Variants in RNF166 observed in about 807,000 individuals in gnomAD.
RNF166 encodes the protein E3 ubiquitin-protein ligase RNF166.
Under a neutral mutation model 29.4 loss-of-function variants are expected in RNF166, and 19 were observed. The ratio of observed to expected loss-of-function variants is 0.65; its 90% CI spans 0.45 to 0.95. The LOEUF (loss-of-function observed/expected upper bound fraction) is 0.95. Among genes scored for constraint, RNF166 ranks in the 40% least tolerant of loss-of-function variants. RNF166 has a pLI of 0.00. For synonymous variants in RNF166, 171 were observed against 134.5 expected (o/e 1.27, Z -1.88); for missense variants, 347 against 322.1 (o/e 1.08, Z -0.59).
In RNF166 at chr16:88,699,951, C is replaced by T. The variant is rs11648894; in HGVS notation, c.313-219G>A. ...GCAAGTCACTGCAGGACAATCTGGC[C>T]GAGGGCAGAAACCTGGCTGGAGAAG... On this transcript the variant is annotated intron_variant, in intron 2 of 5. Coordinates refer to ENST00000312838, the MANE Select transcript of RNF166 (RefSeq NM_178841.4). 0.27 allele frequency: 113,771 copies of T among 419,568 alleles called. 16,800 individuals are homozygous for T. Among genetic ancestry groups the T allele is most frequent in the Non-Finnish European group, 0.32 (74,682 of 232,544 alleles). 26.0% of individuals were successfully genotyped at this position (419,568 alleles called of 1,614,324 possible). A position where few individuals can be genotyped will look rare whatever the true frequency, so the allele number is the denominator to read the frequency against.
rs1027806985 is a variant in RNF166, at chr16:88,699,903, C to G, written c.313-171G>C. 3 of 538,888 alleles carry G rather than the reference C, an allele frequency of 5.6e-6. No homozygotes were observed. The African/African-American group carries it at 5.8e-5, about 10-fold the overall frequency. 33.4% of individuals were successfully genotyped at this position (538,888 alleles called of 1,614,324 possible). ...TGCTAAAACAATCTCAGGCACTGAG[C>G]AGCCACTACTCCATGGCCAAAAGCA... On this transcript the variant is annotated intron_variant, in intron 2 of 5. Coordinates refer to ENST00000312838, the MANE Select transcript of RNF166 (RefSeq NM_178841.4).
At chr16:88,700,565 G>C (rs2340970) in intron 2 of RNF166, 218,345 of 980,958 alleles carry the variant, frequency 0.22, 24,658 homozygotes, top group Middle Eastern at 0.29. Flanking sequence ...GCGCTTCATA[G>C]AACTTATTCA....
intron 2 of RNF166, chr16:88,700,669 G>A (rs914406729): frequency 1.0e-6 from 1 of 986,976 alleles, no homozygotes; most frequent in Non-Finnish European, 1.2e-6. Flanking sequence ...GCGCTGGCTG[G>A]GGCCTCTCCA....
chr16:88,701,055 C>A (rs1189208958), intron 2 of RNF166: 5 of 1,345,694 alleles, frequency 3.7e-6, no homozygotes, highest in East Asian at 5.2e-5. Flanking sequence ...CCGGGCTGGC[C>A]CCCCCGTCAG....
In RNF166 at chr16:88,699,688, C is replaced by T. The variant is rs1352181903; in HGVS notation, c.357G>A (p.Lys119=). ...GGCAGTTGGCCATCTGCTCCTGGAC[C>T]TTCAGGCAGGACGAAATGTGCACTC... is the stretch of plus-strand genomic sequence containing the variant. ...KMRVHISSCL[K]VQEQMANCPK... is the part of the protein sequence containing the mutation. The change falls in exon 3 of 6, where the codon AAG becomes AAA. Residue 119 remains lysine (K), a synonymous_variant. Transcript: ENST00000312838. The T allele has an allele frequency of 6.2e-7, 1 of 1,613,352 alleles. No individual in the cohort carries two copies. The highest frequency in any genetic ancestry group is 1.3e-5 in the African/African-American group (1 of 74,944).
chr16:88,699,633 G>C lies in RNF166; in HGVS notation c.412C>G (p.Gln138Glu), dbSNP rs1411341910. ...PKFVPVVPTSQPIPSNIPNRS... is the reference protein window; with the variant it reads ...PKFVPVVPTSEPIPSNIPNRS... ...CAGCGTGCCTACCTGGGGATAGGCT[G>C]TGATGTGGGCACCACGGGGACGAAC... The change falls in exon 3 of 6, where the codon CAG becomes GAG. Residue 138 changes from glutamine (Q) to glutamate (E), a missense_variant. By Grantham distance (29) the Gln-to-Glu change is conservative. Transcript: ENST00000312838. The C allele has an allele frequency of 1.2e-6, 2 of 1,612,828 alleles. No homozygotes were observed.
In RNF166 at chr16:88,701,310, C is replaced by G; in HGVS notation, c.264G>C (p.Glu88Asp). Residue 88 changes from glutamate to aspartate, a missense_variant, in exon 2 of 6, where the codon GAG (glutamate) becomes GAC (aspartate). Physicochemically the swap from Glu to Asp is conservative, Grantham distance 45. Transcript: ENST00000312838. The part of the protein sequence containing the change: ...PKKVDKATHV[E>D]KQLSSYKAPC... ...GCGCTTTGTAGGATGAGAGCTGCTT[C>G]TCCACGTGGGTGGCCTTGTCCACCT... is the stretch of plus-strand genomic sequence containing the variant. 1.2e-6 allele frequency: 2 copies of G among 1,613,782 alleles called. No individual in the cohort carries two copies. The highest frequency in any genetic ancestry group is 1.7e-6 in the Non-Finnish European group (2 of 1,179,958).
Position 88,701,361 on chromosome 16 carries a change from G to C in RNF166, c.213C>G (p.Leu71=), listed in dbSNP as rs2306049. 0.54 allele frequency: 865,684 copies of C among 1,612,408 alleles called. 237,824 individuals carry two copies. The highest frequency in any genetic ancestry group is 0.58 in the Non-Finnish European group (679,985 of 1,179,524). Residue 71 remains leucine (L), a synonymous_variant, in exon 2 of 6, where the codon CTC becomes CTG. Transcript: ENST00000312838. ...TCTTGGGGTCGAAGGGCAGGCGGCA[G>C]AGTGGGCACAGCGGGGATGGCACCT... ...CLQVPSPLCP[L]CRLPFDPKKV...
chr16:88,699,186 T>C (rs1210889759), intron 3 of RNF166, 101 bp from the exon 4 acceptor site: 3 of 870,364 alleles, frequency 3.4e-6, no homozygotes, highest in Non-Finnish European at 5.6e-6. Flanking sequence ...CTGCCCTCTG[T>C]AGGCTGCAAG....
At chr16:88,698,083 GAGGGTCTGC>G in intron 5 of RNF166, 1 of 571,602 alleles carries the variant, frequency 1.7e-6, no homozygotes, top group South Asian at 2.1e-5. Context: ...GAGTTTGTGC[GAGGGTCTGC>G]AGGCCCGGGG....
intron 5 of RNF166, chr16:88,698,235 G>C (rs1705649738): frequency 1.5e-6 from 1 of 651,400 alleles, no homozygotes; most frequent in African/African-American, 1.8e-5. Flanking sequence ...GAGGGGTTCT[G>C]TGGGGTGGGC....
intron 1 of RNF166, chr16:88,703,438 G>A (rs763896840): frequency 2.0e-6 from 2 of 985,496 alleles, no homozygotes; most frequent in South Asian, 4.7e-5. Context: ...CTGGGAGGAA[G>A]ACAGCCTCGT....
In RNF166 at chr16:88,703,585, A is replaced by G. The variant is rs541537190; in HGVS notation, c.156-2167T>C. 12 of 985,460 alleles carry G rather than the reference A, an allele frequency of 1.2e-5. No individual in the cohort carries two copies. The African/African-American group carries it at 2.1e-4, about 17-fold the overall frequency. The allele number at this position is 985,460 out of a possible 1,614,324, so 61.0% of individuals were successfully genotyped here. A position where few individuals can be genotyped will look rare whatever the true frequency, so the allele number is the denominator to read the frequency against. ...ATCGGCCTAGTTTCCAGTGACTGCC[A>G]GCCTGGTGTTCAGAGAGCCAGCAGC... On this transcript the variant is annotated intron_variant, in intron 1 of 5. Transcript: ENST00000312838.
At position 88,706,243 on chromosome 16, in the gene RNF166, TCCAGGCCGCTGTCGCCGCCCGCCGG is replaced by T; in HGVS notation, c.58_82del (p.Pro20ArgfsTer78). On this transcript the variant is annotated frameshift_variant, in exon 1 of 6. Coordinates refer to ENST00000312838, the MANE Select transcript of RNF166 (RefSeq NM_178841.4). LOFTEE classifies it high-confidence loss of function. ...GCAGATGGGGCAGGTGTACTGCGCC[TCCAGGCCGCTGTCGCCGCCCGCCGG>T]CCCGGCCGGCGGCTGCCGCTGCTGA... The T allele has an allele frequency of 1.5e-6, 2 of 1,310,126 alleles. No homozygotes were observed. The highest frequency in any genetic ancestry group is 1.9e-6 in the Non-Finnish European group (2 of 1,026,838). The allele number at this position is 1,310,126 out of a possible 1,614,324, so 81.2% of individuals were successfully genotyped here.
At chr16:88,697,985 G>A (rs191817989) in intron 5 of RNF166, 3 of 474,674 alleles carry the variant, frequency 6.3e-6, no homozygotes, top group Admixed American at 3.7e-5. Flanking sequence ...CGGACGACTG[G>A]CAGAGGGAGT....
intron 4 of RNF166, 81 bp downstream of exon 4, chr16:88,698,890 C>CAAAAAACGTAGTAGGTCGCGG: frequency 8.6e-7 from 1 of 1,167,406 alleles, no homozygotes; most frequent in Non-Finnish European, 1.2e-6. Context: ...CCGGACTCGC[C>CAAAAAACGTAGTAGGTCGCGG]GCGAGCAGGC....
At chr16:88,701,078 G>C in intron 2 of RNF166, 184 bp downstream of exon 2, 1 of 1,301,822 alleles carries the variant, frequency 7.7e-7, no homozygotes. Context: ...GTCACCACAG[G>C]AAGTGAGAGA....
At chr16:88,702,714 C>CCGT in intron 1 of RNF166, 6 of 985,400 alleles carry the variant, frequency 6.1e-6, no homozygotes, top group Non-Finnish European at 7.2e-6. Flanking sequence ...AGCTTGAGAC[C>CCGT]CGTCAGAAAG....
chr16:88,704,583 C>G, intron 1 of RNF166: 1 of 985,296 alleles, frequency 1.0e-6, no homozygotes, highest in Non-Finnish European at 1.2e-6. Flanking sequence ...GGTGTTGGCA[C>G]CCAAAGCCTA....
Sources: allele counts gnomAD v4.1 joint callset, GRCh38; gene constraint gnomAD v4.1.1; transcripts MANE v1.5; gene names NCBI Gene and HGNC (gene_info 2026-07-23, HGNC 2026-07-21).